The following CHRM3 variants were observed in gnomAD, a reference collection of about 807,000 sequenced individuals.
CHRM3 encodes muscarinic acetylcholine receptor M3.
In CHRM3, 11 loss-of-function variants were observed where a neutral mutation model predicts 41.8. The ratio of observed to expected loss-of-function variants is 0.26; its 90% confidence interval spans 0.17 to 0.44. The LOEUF (loss-of-function observed/expected upper bound fraction) is 0.44, where lower values mean the gene tolerates loss of function less well. Ranked by LOEUF, CHRM3 falls within the 20% of genes least tolerant of loss-of-function variation. CHRM3 has a pLI of 1.00. For synonymous variants in CHRM3, 297 were observed against 301.4 expected (o/e 0.99, Z 0.15); for missense variants, 571 against 745.4 (o/e 0.77, Z 2.72).
At chr1:239,454,019 A>G (rs1398091788) in intron 1 of CHRM3, among the ~76,000 whole-genome samples, 2 of 152,198 alleles carry the variant, frequency 1.3e-5, no homozygotes, top group African/African-American at 4.8e-5. Flanking sequence ...CTGTACCCTC[A>G]ACACTCAACA....
At chr1:239,799,397 TGA>T (rs1299835532) in intron 5 of CHRM3, among the ~76,000 whole-genome samples, 3 of 152,250 alleles carry the variant, frequency 2.0e-5, no homozygotes, top group Non-Finnish European at 2.9e-5. Flanking sequence ...TTACCAGAGT[TGA>T]GAGTCTTCAC....
chr1:239,578,292 C>T (rs1662559950), intron 3 of CHRM3, among the ~76,000 whole-genome samples: 1 of 152,140 alleles, frequency 6.6e-6, no homozygotes, highest in Non-Finnish European at 1.5e-5. Context: ...ACCTTTGGCA[C>T]ATTTTTGTAT....
chr1:239,761,758 G>A (rs1666799272), intron 5 of CHRM3, among the ~76,000 whole-genome samples: 2 of 152,204 alleles, frequency 1.3e-5, no homozygotes, highest in African/African-American at 2.4e-5. Flanking sequence ...CTTCCCAGTG[G>A]TCCTGTCCCT....
At chr1:239,833,592 G>A (rs570870486) in intron 6 of CHRM3, among the ~76,000 whole-genome samples, 73 of 152,236 alleles carry the variant, frequency 4.8e-4, no homozygotes, top group Admixed American at 3.3e-4. Flanking sequence ...CCAAAACCTC[G>A]TTGTGACCAA....
intron 4 of CHRM3, among the ~76,000 whole-genome samples, chr1:239,644,588 A>C (rs1328958866): frequency 2.0e-5 from 3 of 152,184 alleles, no homozygotes; most frequent in East Asian, 1.9e-4. Flanking sequence ...GGTTATGTGA[A>C]ACTTGGTCTA....
In CHRM3 at chr1:239,882,198, G is replaced by A. The variant is rs187501259; in HGVS notation, c.-19-25235G>A. Among the ~76,000 whole-genome samples, 261 of 152,170 alleles carry A rather than the reference G, an allele frequency of 1.7e-3. 1 individual carries two copies. Among genetic ancestry groups the A allele is most frequent in the African/African-American group, 4.8e-3 (200 of 41,530 alleles). On this transcript the variant is annotated intron_variant, in intron 6 of 6. Transcript: ENST00000676153. Reference sequence around the variant, plus strand: ...GCTGGGATTACAGGTGTGAGCCACCGCCCCAGCCCAATGTACTCATTTTAA... The same window carrying A: ...GCTGGGATTACAGGTGTGAGCCACCACCCCAGCCCAATGTACTCATTTTAA...
intron 2 of CHRM3, among the ~76,000 whole-genome samples, chr1:239,505,192 G>A (rs1433423720): frequency 1.3e-5 from 2 of 152,100 alleles, no homozygotes; most frequent in African/African-American, 4.8e-5. Context: ...TCTTAGAGCT[G>A]TGAGAACTGA....
chr1:239,427,517 C>G (rs920315334), intron 1 of CHRM3, among the ~76,000 whole-genome samples: 4 of 152,054 alleles, frequency 2.6e-5, no homozygotes, highest in African/African-American at 9.7e-5. Flanking sequence ...TACATGCTGA[C>G]CTCCCTCTCT....
At chr1:239,799,232 C>G (rs1250232048) in intron 5 of CHRM3, among the ~76,000 whole-genome samples, 1 of 152,106 alleles carries the variant, frequency 6.6e-6, no homozygotes, top group Non-Finnish European at 1.5e-5. Flanking sequence ...CATGGGTAGA[C>G]TTAGAGAGAG....
intron 2 of CHRM3, among the ~76,000 whole-genome samples, chr1:239,527,072 C>T (rs989018337): frequency 3.3e-5 from 5 of 152,110 alleles, no homozygotes; most frequent in African/African-American, 1.2e-4. Flanking sequence ...CTATAGTGAG[C>T]CATGATCACG....
intron 1 of CHRM3, among the ~76,000 whole-genome samples, chr1:239,428,453 C>A (rs1221347256): frequency 6.6e-6 from 1 of 152,152 alleles, no homozygotes; most frequent in Non-Finnish European, 1.5e-5. Flanking sequence ...AAGATGCAGT[C>A]TTTGTATTTA....
At chr1:239,643,541 C>G (rs754971488) in intron 4 of CHRM3, among the ~76,000 whole-genome samples, 1 of 152,164 alleles carries the variant, frequency 6.6e-6, no homozygotes, top group Non-Finnish European at 1.5e-5. Context: ...TAGTAATCAG[C>G]GAGACTCCGT....
At chr1:239,774,844 C>G (rs938368465) in intron 5 of CHRM3, among the ~76,000 whole-genome samples, 1 of 152,078 alleles carries the variant, frequency 6.6e-6, no homozygotes, top group Non-Finnish European at 1.5e-5. Flanking sequence ...CAGATGTTTT[C>G]TAACAGCTAC....
intron 1 of CHRM3, among the ~76,000 whole-genome samples, chr1:239,406,505 CA>C (rs1367617773): frequency 2.0e-5 from 3 of 152,142 alleles, no homozygotes; most frequent in Admixed American, 1.3e-4. Flanking sequence ...GTCACATGCA[CA>C]GAACAAGATT....
chr1:239,878,885 A>G (rs1382652649), intron 6 of CHRM3, among the ~76,000 whole-genome samples: 1 of 152,174 alleles, frequency 6.6e-6, no homozygotes, highest in Non-Finnish European at 1.5e-5. Context: ...CTGAGGAGGA[A>G]GGGCTCCAGC....
At chr1:239,862,476 T>A (rs1675717216) in intron 6 of CHRM3, among the ~76,000 whole-genome samples, 1 of 152,164 alleles carries the variant, frequency 6.6e-6, no homozygotes, top group African/African-American at 2.4e-5. Flanking sequence ...CCAATGACAT[T>A]ACATTATTTT....
At chr1:239,633,729 C>A (rs1483550170) in intron 4 of CHRM3, among the ~76,000 whole-genome samples, 4 of 151,032 alleles carry the variant, frequency 2.6e-5, no homozygotes, top group Non-Finnish European at 5.9e-5. Context: ...CCCCCACCCA[C>A]CCCTTCTTGC....
chr1:239,869,512 G>T (rs986818636), intron 6 of CHRM3, among the ~76,000 whole-genome samples: 7 of 152,038 alleles, frequency 4.6e-5, no homozygotes, highest in African/African-American at 1.7e-4. Context: ...GCCTTAAAGT[G>T]GTCTCTGCCT....
chr1:239,501,537 C>A (rs1420812768), intron 2 of CHRM3, among the ~76,000 whole-genome samples: 1 of 152,000 alleles, frequency 6.6e-6, no homozygotes, highest in Non-Finnish European at 1.5e-5. Flanking sequence ...GGGTCAAAAC[C>A]AAAATCAAGA....
Sources: gnomAD v4.1 joint callset for allele counts (sites outside exome capture counted in the v4.1 genomes callset) on GRCh38, gnomAD v4.1.1 for gene constraint, MANE v1.5 for transcripts, NCBI Gene and HGNC (gene_info 2026-07-23, HGNC 2026-07-21) for gene names.